Variants in PLPP7 observed in about 807,000 individuals in gnomAD.
PLPP7 encodes phospholipid phosphatase 7 (inactive).
PLPP7 carries 11 observed loss-of-function variants against 16.9 expected under a neutral mutation model. That is an observed-to-expected ratio of 0.65 (90% CI 0.41 to 1.08). The LOEUF (loss-of-function observed/expected upper bound fraction) is 1.08, where lower values mean the gene tolerates loss of function less well. Ranked by LOEUF, PLPP7 falls within the 50% of genes least tolerant of loss-of-function variation. The probability of loss-of-function intolerance (pLI) is 0.00; values close to 1 mark genes in which losing one functional copy is unlikely to be tolerated. For synonymous variants in PLPP7, 174 were observed against 175.1 expected, an observed-to-expected ratio of 0.99 and a Z score of 0.05; for missense variants, 358 against 397.1, an observed-to-expected ratio of 0.90 and a Z score of 0.84.
intron 1 of PLPP7, among the ~76,000 whole-genome samples, chr9:131,297,275 T>A (rs145007461): frequency 0.013 from 2,032 of 152,336 alleles, 17 homozygotes; most frequent in Non-Finnish European, 0.022. Context: ...CAGGACCTGG[T>A]GCTCAGCAGA....
intron 1 of PLPP7, among the ~76,000 whole-genome samples, chr9:131,296,408 C>T (rs747691588): frequency 2.6e-5 from 4 of 152,066 alleles, no homozygotes; most frequent in African/African-American, 7.2e-5. Flanking sequence ...GGACTACAGG[C>T]GCCTGCCACC....
chr9:131,300,062 T>G (rs1451767315), intron 1 of PLPP7, among the ~76,000 whole-genome samples: 1 of 152,230 alleles, frequency 6.6e-6, no homozygotes, highest in Non-Finnish European at 1.5e-5. Flanking sequence ...TACCACACAC[T>G]GATTTATAAA....
chr9:131,297,779 C>T (rs913912983), intron 1 of PLPP7, among the ~76,000 whole-genome samples: 2 of 152,222 alleles, frequency 1.3e-5, no homozygotes, highest in African/African-American at 2.4e-5. Context: ...CAGTAAAAAT[C>T]ACCCCTAATC....
intron 1 of PLPP7, among the ~76,000 whole-genome samples, chr9:131,302,767 C>T (rs1345483802): frequency 6.6e-6 from 1 of 152,158 alleles, no homozygotes; most frequent in Non-Finnish European, 1.5e-5. Flanking sequence ...TGAGAGGGGC[C>T]AGGAGATGCC....
rs1411403903 is a variant in PLPP7 at position 131,290,908 on chromosome 9, G to A, written c.451+460G>A. ...GTGAGCTGCCCCATGAGCACCTCCC[G>A]CCTCGGTTCAGGAACCGGGAAAGCT... On this transcript the variant is annotated intron_variant, in intron 1 of 1. Transcript: ENST00000372264. This position sits in a 1 kb window ranked among gnomAD's most constrained non-coding sequence, Gnocchi z 4.2. Among the ~76,000 whole-genome samples the A allele has an allele frequency of 6.6e-6, 1 of 152,042 alleles. No individual in the cohort carries two copies. The highest frequency in any genetic ancestry group is 1.5e-5 in the Non-Finnish European group (1 of 67,994).
chr9:131,297,335 G>A (rs535769538), intron 1 of PLPP7, among the ~76,000 whole-genome samples: 23 of 151,760 alleles, frequency 1.5e-4, no homozygotes, highest in Middle Eastern at 3.5e-3. Flanking sequence ...TGAGTGCTTT[G>A]CACACCACTG....
At chr9:131,297,268 G>A (rs1835743721) in intron 1 of PLPP7, among the ~76,000 whole-genome samples, 1 of 152,244 alleles carries the variant, frequency 6.6e-6, no homozygotes, top group Admixed American at 6.5e-5. Flanking sequence ...CTCCTAGCAG[G>A]ACCTGGTGCT....
In PLPP7 at chr9:131,308,025, A is replaced by C; in HGVS notation, c.554A>C (p.Asp185Ala). 1 of 1,601,048 alleles carries C rather than the reference A, an allele frequency of 6.2e-7. No individual in the cohort carries two copies. Among genetic ancestry groups the C allele is most frequent in the South Asian group, 1.1e-5 (1 of 91,084 alleles). Residue 185 changes from aspartate (D) to alanine (A), a missense_variant, in exon 2 of 2, where the codon GAC becomes GCC. Physicochemically the swap from Asp to Ala is moderately radical, Grantham distance 126. Coordinates refer to ENST00000372264, the MANE Select transcript of PLPP7 (RefSeq NM_032728.4). ...AGCCTCCTGGACTACCTCACCATGG[A>C]CATCTACGCCTTCCCGGCCGGGCAC... is the stretch of plus-strand genomic sequence containing the variant. The part of the protein sequence containing the change: ...SPSLLDYLTM[D>A]IYAFPAGHAS...
chr9:131,296,803 G>C (rs1341057405), intron 1 of PLPP7, among the ~76,000 whole-genome samples: 1 of 152,124 alleles, frequency 6.6e-6, no homozygotes, highest in Non-Finnish European at 1.5e-5. Flanking sequence ...CATGTCCCTC[G>C]CACCAGCATG....
At chr9:131,307,634 G>A (rs1359275722) in intron 1 of PLPP7, among the ~76,000 whole-genome samples, 1 of 147,006 alleles carries the variant, frequency 6.8e-6, no homozygotes, top group African/African-American at 2.5e-5. Context: ...AAAGCTGTAT[G>A]AAAAAATTAA....
rs1338374670 is a variant in PLPP7 at position 131,290,212 on chromosome 9, A to G, written c.215A>G (p.Gln72Arg). The G allele has an allele frequency of 6.2e-7, 1 of 1,605,982 alleles. No homozygotes were observed. Among genetic ancestry groups the G allele is most frequent in the Non-Finnish European group, 8.5e-7 (1 of 1,175,484 alleles). ...CAGCTGCCAGAGGAGGACTGCATGCAGCTGAACCCCTCCTTCAAGGGCATC... is the reference window on the plus strand; with the variant it reads ...CAGCTGCCAGAGGAGGACTGCATGCGGCTGAACCCCTCCTTCAAGGGCATC... ...SQQLPEEDCM[Q>R]LNPSFKGIAF... Residue 72 changes from glutamine to arginine, a missense_variant, in exon 1 of 2, where the codon CAG becomes CGG. Coordinates refer to ENST00000372264, the MANE Select transcript of PLPP7 (RefSeq NM_032728.4). The surrounding 1 kb of genome is among the most constrained non-coding windows in gnomAD (Gnocchi z 4.2).
chr9:131,290,563 C>T lies in PLPP7; in HGVS notation c.451+115C>T. 9.6e-7 allele frequency: 1 copy of T among 1,036,602 alleles called. No individual in the cohort carries two copies. Among genetic ancestry groups the T allele is most frequent in the Non-Finnish European group, 1.3e-6 (1 of 749,114 alleles). The allele number at this position is 1,036,602 out of a possible 1,614,324, so 64.2% of individuals were successfully genotyped here. A position where few individuals can be genotyped will look rare whatever the true frequency, so the allele number is the denominator to read the frequency against. On this transcript the variant is annotated intron_variant, in intron 1 of 1. Coordinates refer to ENST00000372264, the MANE Select transcript of PLPP7 (RefSeq NM_032728.4). The surrounding 1 kb of genome is among the most constrained non-coding windows in gnomAD (Gnocchi z 4.2). The stretch of plus-strand genomic sequence containing the variant: ...GCCCTCAGAAACCGGCTGGGATGGT[C>T]TAATGAGGTTAGGCAGGAAGGGTGC...
rs760810478 is a variant in PLPP7, at chr9:131,290,390, C to G, written c.393C>G (p.Leu131=). 6.3e-7 allele frequency: 1 copy of G among 1,598,900 alleles called. No individual in the cohort carries two copies. The highest frequency in any genetic ancestry group is 8.5e-7 in the Non-Finnish European group (1 of 1,173,014). ...HGIPWIGGTI[L]CLVKSSTLAG... Reference sequence around the variant, plus strand: ...TCCCCTGGATCGGAGGCACCATCCTCTGCCTGGTGAAGAGCAGCACACTGG... The same window carrying G: ...TCCCCTGGATCGGAGGCACCATCCTGTGCCTGGTGAAGAGCAGCACACTGG... The change falls in exon 1 of 2, where the codon CTC becomes CTG. Residue 131 remains leucine, a synonymous_variant. Coordinates refer to ENST00000372264, the MANE Select transcript of PLPP7 (RefSeq NM_032728.4). This position sits in a 1 kb window ranked among gnomAD's most constrained non-coding sequence, Gnocchi z 4.2.
chr9:131,291,568 T>TG (rs1835678472), intron 1 of PLPP7: 1 of 289,472 alleles, frequency 3.5e-6, no homozygotes, highest in African/African-American at 2.3e-5. Context: ...TTTTTTTTTT[T>TG]TTTTTTTTGA....
intron 1 of PLPP7, among the ~76,000 whole-genome samples, chr9:131,303,174 A>C (rs1588210080): frequency 6.6e-6 from 1 of 152,126 alleles, no homozygotes; most frequent in South Asian, 2.1e-4. Context: ...TCTACTAAAA[A>C]TAGAAAAATT....
chr9:131,306,547 AGAAAG>A (rs1240215596), intron 1 of PLPP7, among the ~76,000 whole-genome samples: 1 of 152,126 alleles, frequency 6.6e-6, no homozygotes, highest in African/African-American at 2.4e-5. Flanking sequence ...AAAAAAAAAA[AGAAAG>A]AGAAGATGAA....
chr9:131,304,962 G>C (rs954423028), intron 1 of PLPP7, among the ~76,000 whole-genome samples: 2 of 151,964 alleles, frequency 1.3e-5, no homozygotes, highest in Non-Finnish European at 2.9e-5. Context: ...GGAAAGAGTG[G>C]AACATTCCAG....
chr9:131,294,076 C>G (rs748836766), intron 1 of PLPP7, among the ~76,000 whole-genome samples: 2 of 152,168 alleles, frequency 1.3e-5, no homozygotes, highest in Non-Finnish European at 2.9e-5. Context: ...CTGCATGCTC[C>G]CTGCTTGGCA....
chr9:131,301,982 A>C (rs1225002030), intron 1 of PLPP7, among the ~76,000 whole-genome samples: 3 of 151,796 alleles, frequency 2.0e-5, no homozygotes, highest in Non-Finnish European at 4.4e-5. Context: ...ATGCCCAGCT[A>C]ATTTTTTTGT....
Sources: gnomAD v4.1 joint callset for allele counts (sites outside exome capture counted in the v4.1 genomes callset) on GRCh38, gnomAD v4.1.1 for gene constraint, Gnocchi (gnomAD v3.1) non-coding constraint, MANE v1.5 for transcripts, NCBI Gene and HGNC (gene_info 2026-07-23, HGNC 2026-07-21) for gene names.